Variants in DLC1 observed in about 807,000 individuals in gnomAD.
DLC1 encodes rho GTPase-activating protein 7.
DLC1 carries 54 observed loss-of-function variants against 140.3 expected under a neutral mutation model. The observed-to-expected ratio is 0.38, with a 90% CI of 0.31 to 0.48. The LOEUF (loss-of-function observed/expected upper bound fraction) is 0.48. Among genes scored for constraint, DLC1 ranks in the 20% least tolerant of loss-of-function variants. The probability of loss-of-function intolerance (pLI) is 0.96; values close to 1 mark genes in which losing one functional copy is unlikely to be tolerated. For missense variants in DLC1, 2,536 were observed against 1,907.0 expected, an observed-to-expected ratio of 1.33 and a Z score of -6.14; for synonymous variants, 986 against 728.1, an observed-to-expected ratio of 1.35 and a Z score of -5.70.
At chr8:13,596,224 A>T (rs187836222) in intron 1 of DLC1, among the ~76,000 whole-genome samples, 2 of 151,970 alleles carry the variant, frequency 1.3e-5, no homozygotes, top group African/African-American at 2.4e-5. Context: ...TTATAGAAAG[A>T]TGTTAGGAAC....
At chr8:13,440,998 C>G (rs968948783) in intron 2 of DLC1, among the ~76,000 whole-genome samples, 15 of 152,106 alleles carry the variant, frequency 9.9e-5, no homozygotes, top group Non-Finnish European at 1.5e-4. Flanking sequence ...TCTTGGATAG[C>G]AAACTTTAAT....
intron 5 of DLC1, among the ~76,000 whole-genome samples, chr8:13,295,942 GTTTTTTTTTTT>G (rs71207138): frequency 4.1e-5 from 3 of 72,874 alleles, no homozygotes; most frequent in African/African-American, 5.6e-5. Context: ...AAGATTCTTT[GTTTTTTTTTTT>G]TTTTTTTTTT....
At chr8:13,248,383 ACT>A (rs1230871298) in intron 5 of DLC1, among the ~76,000 whole-genome samples, 6 of 102,418 alleles carry the variant, frequency 5.9e-5, no homozygotes, top group Non-Finnish European at 8.4e-5. Context: ...AGGAAGAAAG[ACT>A]CTCTGACTCT....
At chr8:13,336,628 G>T (rs1833820322) in intron 4 of DLC1, among the ~76,000 whole-genome samples, 1 of 152,100 alleles carries the variant, frequency 6.6e-6, no homozygotes, top group Non-Finnish European at 1.5e-5. Flanking sequence ...AGAAGATGGG[G>T]TTTGAATACA....
intron 2 of DLC1, among the ~76,000 whole-genome samples, chr8:13,488,533 A>C (rs548629391): frequency 6.6e-6 from 1 of 152,318 alleles, no homozygotes; most frequent in Non-Finnish European, 1.5e-5. Context: ...AAAATGCCAC[A>C]AAGAGATCCC....
At chr8:13,291,185 A>T (rs976111126) in intron 5 of DLC1, among the ~76,000 whole-genome samples, 35 of 152,324 alleles carry the variant, frequency 2.3e-4, no homozygotes, top group South Asian at 1.7e-3. Context: ...CTGGGATTAC[A>T]GGCATGAGCC....
intron 4 of DLC1, among the ~76,000 whole-genome samples, chr8:13,370,541 C>T (rs1343107829): frequency 6.6e-6 from 1 of 152,106 alleles, no homozygotes; most frequent in Non-Finnish European, 1.5e-5. Flanking sequence ...AGGCATTATC[C>T]TTGATGTTCC....
upstream of DLC1, among the ~76,000 whole-genome samples, chr8:13,519,466 A>T (rs961355278): frequency 1.3e-5 from 2 of 152,182 alleles, no homozygotes; most frequent in Non-Finnish European, 2.9e-5. Flanking sequence ...TTGTAGACAC[A>T]TCCAGACCAA....
intron 2 of DLC1, among the ~76,000 whole-genome samples, chr8:13,406,185 T>TTTTTTTTTG (rs1554514495): frequency 7.7e-6 from 1 of 129,368 alleles, no homozygotes; most frequent in African/African-American, 3.0e-5. Flanking sequence ...TTTTGTGTTT[T>TTTTTTTTTG]TTTTTTTTTT....
intron 2 of DLC1, among the ~76,000 whole-genome samples, chr8:13,410,610 A>G (rs770468829): frequency 1.3e-5 from 2 of 152,224 alleles, no homozygotes; most frequent in Admixed American, 1.3e-4. Flanking sequence ...AGACTATAAA[A>G]TACCTAGAAG....
chr8:13,464,589 C>T (rs1246125470), intron 2 of DLC1, among the ~76,000 whole-genome samples: 2 of 151,740 alleles, frequency 1.3e-5, no homozygotes, highest in Non-Finnish European at 2.9e-5. Flanking sequence ...GAATCCACCC[C>T]CCGCCACCAT....
rs747752576 is a variant in DLC1 at position 13,564,138 on chromosome 8, C to T, written c.-126+40399G>A. ...AAAAAATAGCTATTAAAGTAGAAGG[C>T]AGCTATTCACAAGGCAATTAATCAA... On this transcript the variant is annotated intron_variant, in intron 1 of 1. Coordinates refer to the DLC1 transcript ENST00000631382. 5.3e-5 allele frequency among the ~76,000 whole-genome samples: 8 copies of T among 151,924 alleles called. 1 individual carries two copies. The highest frequency in any genetic ancestry group is 9.7e-5 in the African/African-American group (4 of 41,344).
intron 2 of DLC1, among the ~76,000 whole-genome samples, chr8:13,443,533 C>T (rs925849276): frequency 6.6e-6 from 1 of 151,412 alleles, no homozygotes; most frequent in Non-Finnish European, 1.5e-5. Flanking sequence ...GTGGCGGATG[C>T]CTGTAGTCCC....
intron 5 of DLC1, among the ~76,000 whole-genome samples, chr8:13,194,879 A>G (rs987558176): frequency 1.3e-5 from 2 of 152,054 alleles, no homozygotes; most frequent in Non-Finnish European, 2.9e-5. Context: ...GTGTGGTGGC[A>G]TGCGCCTGTG....
intron 4 of DLC1, among the ~76,000 whole-genome samples, chr8:13,309,702 G>C (rs562696183): frequency 6.6e-6 from 1 of 152,210 alleles, no homozygotes; most frequent in South Asian, 2.1e-4. Context: ...TGCAGAAATG[G>C]CTTTCTGCAC....
intron 1 of DLC1, among the ~76,000 whole-genome samples, chr8:13,545,301 C>CTA (rs1036489464): frequency 8.0e-5 from 12 of 149,672 alleles, no homozygotes; most frequent in South Asian, 2.1e-4. Flanking sequence ...AGATCTTATA[C>CTA]TATATATATA....
At chr8:13,534,180 C>T (rs73559555) in intron 1 of DLC1, among the ~76,000 whole-genome samples, 1,578 of 152,220 alleles carry the variant, frequency 0.01, 34 homozygotes, top group African/African-American at 0.036. Flanking sequence ...CAGCAATTTC[C>T]AGACTATTTT....
intron 5 of DLC1, among the ~76,000 whole-genome samples, chr8:13,144,454 G>C (rs1009761983): frequency 6.6e-6 from 1 of 152,164 alleles, no homozygotes; most frequent in Non-Finnish European, 1.5e-5. Flanking sequence ...GTAATCACGT[G>C]AGACAATTCC....
chr8:13,128,041 C>CA (rs34983688), intron 5 of DLC1, among the ~76,000 whole-genome samples: 2,250 of 138,484 alleles, frequency 0.016, 35 homozygotes, highest in African/African-American at 0.046. Context: ...TCTAGTAGAA[C>CA]AAAAAAAAAA....
Sources: allele counts gnomAD v4.1 joint callset (sites outside exome capture counted in the v4.1 genomes callset), GRCh38; gene constraint gnomAD v4.1.1; transcripts MANE v1.5; gene names NCBI Gene and HGNC (gene_info 2026-07-23, HGNC 2026-07-21).